ZFAND5: variants seen among roughly 807,000 people sequenced by gnomAD.
ZFAND5 encodes the protein zinc finger AN1-type containing 5, also known as AN1-type zinc finger protein 5.
Under a neutral mutation model 23.6 loss-of-function variants are expected in ZFAND5, and 4 were observed. The observed-to-expected ratio is 0.17, with a 90% confidence interval of 0.08 to 0.39. ZFAND5 has a LOEUF of 0.39. ZFAND5 is among the 10% of genes least tolerant of loss of function. ZFAND5 has a pLI of 1.00. For synonymous variants in ZFAND5, 68 were observed against 80.6 expected (o/e 0.84, Z 0.84); for missense variants, 161 against 253.7 (o/e 0.63, Z 2.48).
chr9:72,363,223 A>G (rs1587881342), intron 2 of ZFAND5, among the ~76,000 whole-genome samples: 1 of 152,198 alleles, frequency 6.6e-6, no homozygotes, highest in Admixed American at 6.5e-5. Context: ...AGAAAAAAAT[A>G]CCATTACTAT....
In ZFAND5 at chr9:72,351,729, G is replaced by GGGCT. The variant is rs1205114618; in HGVS notation, c.*4220_*4223dup. The GGGCT allele has an allele frequency of 6.6e-6, 1 of 152,048 alleles. No homozygotes were observed. Among genetic ancestry groups the GGGCT allele is most frequent in the African/African-American group, 2.4e-5 (1 of 41,392 alleles). 9.4% of individuals were successfully genotyped at this position (152,048 alleles called of 1,614,324 possible). ...CTTAGACTGTGATGTCAACTGGCAA[G>GGGCT]GGCTGGCTGTTGGCCGATTCACCAT... On this transcript the variant is annotated 3_prime_UTR_variant, in exon 7 of 7. Transcript: ENST00000376962.
At chr9:72,356,870 G>T in intron 6 of ZFAND5, 61 bp downstream of exon 6, 3 of 1,586,508 alleles carry the variant, frequency 1.9e-6, no homozygotes, top group South Asian at 1.1e-5. Context: ...CTTAGGGAGT[G>T]ACCAAAAGCT....
chr9:72,355,460 A>G lies in ZFAND5; in HGVS notation c.*493T>C, dbSNP rs1332438569. 6.5e-6 allele frequency: 1 copy of G among 152,802 alleles called. No individual in the cohort carries two copies. Among genetic ancestry groups the G allele is most frequent in the Non-Finnish European group, 1.5e-5 (1 of 68,178 alleles). 9.5% of individuals were successfully genotyped at this position (152,802 alleles called of 1,614,324 possible). On this transcript the variant is annotated 3_prime_UTR_variant, in exon 7 of 7. Coordinates refer to ENST00000376962, the MANE Select transcript of ZFAND5 (RefSeq NM_001102420.3). ...GAAAGAAGGTCTGATCCTCTTTATG[A>G]GCATTTCTTCCTGCTTCCAAAGAAT... is the stretch of plus-strand genomic sequence containing the variant.
At chr9:72,356,581 G>A (rs1377279253) in intron 6 of ZFAND5, among the ~76,000 whole-genome samples, 10 of 152,156 alleles carry the variant, frequency 6.6e-5, no homozygotes, top group Admixed American at 6.5e-4. Context: ...CAAGGTCTGA[G>A]ATTTGAAGGA....
At position 72,363,619 on chromosome 9, in the gene ZFAND5, A is replaced by C; in HGVS notation, c.-146-13T>G. On this transcript the variant is annotated splice_polypyrimidine_tract_variant and intron_variant, in intron 1 of 6. Transcript: ENST00000376962. Reference sequence around the variant, plus strand: ...TCCTTTTCAGGGCCTGGGAGATAGAAAACAGGAGACAACTACAAAGAATCC... The same window carrying C: ...TCCTTTTCAGGGCCTGGGAGATAGACAACAGGAGACAACTACAAAGAATCC... The C allele has an allele frequency of 1.0e-5, 10 of 983,420 alleles. No individual in the cohort carries two copies. Among genetic ancestry groups the C allele is most frequent in the Non-Finnish European group, 1.2e-5 (10 of 828,020 alleles). 60.9% of individuals were successfully genotyped at this position (983,420 alleles called of 1,614,324 possible). A position where few individuals can be genotyped will look rare whatever the true frequency, so the allele number is the denominator to read the frequency against.
intron 1 of ZFAND5, chr9:72,364,356 CTCTT>C: frequency 4.4e-6 from 5 of 1,133,116 alleles, no homozygotes; most frequent in African/African-American, 1.7e-5. Context: ...CCGCCTCGGC[CTCTT>C]TGTTTCTCTG....
chr9:72,356,251 C>CA (rs1841939833), intron 6 of ZFAND5, 150 bp from the exon 7 acceptor site: 3 of 958,698 alleles, frequency 3.1e-6, no homozygotes, highest in South Asian at 1.9e-5. Context: ...GGTGATAAGA[C>CA]ACAGTCAACT....
At chr9:72,360,402 T>A in intron 3 of ZFAND5, 181 bp from the exon 4 acceptor site, 1 of 821,112 alleles carries the variant, frequency 1.2e-6, no homozygotes, top group Non-Finnish European at 1.9e-6. Context: ...TGAACACAAG[T>A]GTGAAACAAA....
intron 3 of ZFAND5, 78 bp from the exon 4 acceptor site, chr9:72,360,299 C>A: frequency 8.1e-7 from 1 of 1,241,760 alleles, no homozygotes; most frequent in South Asian, 1.3e-5. Context: ...GTAATAAATA[C>A]TTGCATTTAA....
chr9:72,352,941 T>A lies in ZFAND5; in HGVS notation c.*3012A>T, dbSNP rs950301938. On this transcript the variant is annotated 3_prime_UTR_variant, in exon 7 of 7. Transcript: ENST00000376962. ...CCAGGGTCCCTCATCTTAATCACTA[T>A]GCCATAATGCTCAGAAACAGCTTTC... 1.3e-5 allele frequency: 2 copies of A among 152,234 alleles called. No homozygotes were observed. The highest frequency in any genetic ancestry group is 4.8e-5 in the African/African-American group (2 of 41,468). The allele number at this position is 152,234 out of a possible 1,614,324, so 9.4% of individuals were successfully genotyped here. A position where few individuals can be genotyped will look rare whatever the true frequency, so the allele number is the denominator to read the frequency against.
rs558100750 is a variant in ZFAND5, at chr9:72,360,833, A to G, written c.-9-46T>C. The stretch of plus-strand genomic sequence containing the variant: ...CAGAAATTAGTGTTATCACCAAAAT[A>G]TAGTCTAATATAATCATCGGTATAC... On this transcript the variant is annotated intron_variant, in intron 2 of 6. Transcript: ENST00000376962. 8.6e-5 allele frequency: 132 copies of G among 1,530,148 alleles called. 2 individuals carry two copies. The South Asian group carries it at 1.6e-3, about 18-fold the overall frequency. The allele number at this position is 1,530,148 out of a possible 1,614,324, so 94.8% of individuals were successfully genotyped here. A position where few individuals can be genotyped will look rare whatever the true frequency, so the allele number is the denominator to read the frequency against.
rs1841912665 is a variant in ZFAND5, at chr9:72,355,312, T to G, written c.*641A>C. 1 of 152,662 alleles carries G rather than the reference T, an allele frequency of 6.6e-6. No individual in the cohort carries two copies. The highest frequency in any genetic ancestry group is 2.1e-4 in the South Asian group (1 of 4,830). The allele number at this position is 152,662 out of a possible 1,614,324, so 9.5% of individuals were successfully genotyped here. Reference sequence around the variant, plus strand: ...CAAAGGTTATCTCAAGACCCTGTTGTTGGCTTGATGGTTTTACTTATAACC... The same window carrying G: ...CAAAGGTTATCTCAAGACCCTGTTGGTGGCTTGATGGTTTTACTTATAACC... On this transcript the variant is annotated 3_prime_UTR_variant, in exon 7 of 7. Coordinates refer to ENST00000376962, the MANE Select transcript of ZFAND5 (RefSeq NM_001102420.3).
chr9:72,364,559 G>A (rs1842207936), intron 1 of ZFAND5, 137 bp downstream of exon 1: 3 of 1,270,030 alleles, frequency 2.4e-6, no homozygotes, highest in African/African-American at 3.2e-5. Context: ...TGGCGGGCGG[G>A]CTCCCCTCCC....
At chr9:72,358,742 A>C (rs1255213493) in intron 5 of ZFAND5, among the ~76,000 whole-genome samples, 1 of 152,148 alleles carries the variant, frequency 6.6e-6, no homozygotes, top group African/African-American at 2.4e-5. Flanking sequence ...TTTTCACAAC[A>C]GAAGTTTTAT....
At chr9:72,362,508 C>G (rs1842133953) in intron 2 of ZFAND5, among the ~76,000 whole-genome samples, 1 of 151,448 alleles carries the variant, frequency 6.6e-6, no homozygotes, top group South Asian at 2.1e-4. Context: ...ATCAACCTAC[C>G]TAAGTAATTT....
chr9:72,357,759 A>C (rs1421071204), intron 5 of ZFAND5, among the ~76,000 whole-genome samples: 2 of 152,122 alleles, frequency 1.3e-5, no homozygotes, highest in Non-Finnish European at 2.9e-5. Context: ...CAAGAATCTT[A>C]TCTAAAATGG....
At chr9:72,364,358 CTTTG>C (rs1002171275) in intron 1 of ZFAND5, 70 of 1,141,696 alleles carry the variant, frequency 6.1e-5, no homozygotes, top group Non-Finnish European at 6.7e-5. Context: ...GCCTCGGCCT[CTTTG>C]TTTCTCTGGG....
At chr9:72,361,581 G>A (rs1461955874) in intron 2 of ZFAND5, among the ~76,000 whole-genome samples, 1 of 152,142 alleles carries the variant, frequency 6.6e-6, no homozygotes, top group Non-Finnish European at 1.5e-5. Context: ...ACCGTTCCAA[G>A]CTCAAATTCA....
chr9:72,357,682 G>A (rs1841982754), intron 5 of ZFAND5, among the ~76,000 whole-genome samples: 1 of 151,990 alleles, frequency 6.6e-6, no homozygotes, highest in East Asian at 1.9e-4. Context: ...AAACAGATCG[G>A]CAAACAGTCT....
Sources: allele counts gnomAD v4.1 joint callset (sites outside exome capture counted in the v4.1 genomes callset), GRCh38; gene constraint gnomAD v4.1.1; transcripts MANE v1.5; gene names NCBI Gene and HGNC (gene_info 2026-07-23, HGNC 2026-07-21).